POLQ: variants seen among roughly 807,000 people sequenced by gnomAD.
The protein encoded by POLQ is epididymis secretory sperm binding protein.
A neutral mutation model predicts 259.2 loss-of-function variants in POLQ; 233 were observed. The observed-to-expected ratio is 0.90, with a 90% CI of 0.81 to 1.00. The LOEUF (loss-of-function observed/expected upper bound fraction) is 1.00, where lower values mean the gene tolerates loss of function less well. POLQ is among the 50% of genes least tolerant of loss of function. POLQ has a pLI of 0.00. For synonymous variants in POLQ, 1,025 were observed against 1,048.8 expected, an observed-to-expected ratio of 0.98 and a Z score of 0.44; for missense variants, 2,871 against 3,051.6, an observed-to-expected ratio of 0.94 and a Z score of 1.39.
intron 7 of POLQ, 24 bp from the exon 8 acceptor site, chr3:121,522,173 C>G: frequency 6.3e-7 from 1 of 1,578,306 alleles, no homozygotes; most frequent in Non-Finnish European, 8.6e-7. Flanking sequence ...ATTATCAACA[C>G]CATTTGCTTC....
intron 1 of POLQ, 52 bp from the exon 2 acceptor site, chr3:121,544,958 T>C: frequency 8.6e-7 from 1 of 1,161,074 alleles, no homozygotes; most frequent in Non-Finnish European, 1.2e-6. Context: ...ATATATGAGT[T>C]TTACAGTTAG....
chr3:121,481,344 G>A (rs985171072), intron 19 of POLQ, among the ~76,000 whole-genome samples: 1 of 152,184 alleles, frequency 6.6e-6, no homozygotes, highest in Admixed American at 6.5e-5. Flanking sequence ...TTTTGGTCTT[G>A]TCTACAGCTG....
At chr3:121,491,095 GTAATC>G (rs957599524) in intron 15 of POLQ, among the ~76,000 whole-genome samples, 15 of 152,160 alleles carry the variant, frequency 9.9e-5, no homozygotes, top group Admixed American at 2.0e-4. Context: ...GCTCATGCCT[GTAATC>G]CCAGCACTTT....
intron 16 of POLQ, among the ~76,000 whole-genome samples, chr3:121,486,247 T>C (rs1350017269): frequency 1.3e-5 from 2 of 152,174 alleles, no homozygotes; most frequent in African/African-American, 4.8e-5. Context: ...GATATTACAA[T>C]TTAATAGAAA....
intron 7 of POLQ, among the ~76,000 whole-genome samples, chr3:121,523,237 T>A (rs531471255): frequency 3.3e-5 from 5 of 152,084 alleles, no homozygotes; most frequent in African/African-American, 1.2e-4. Context: ...CCAGGCTGGT[T>A]TCAAATTCCT....
At chr3:121,482,690 A>G (rs1163846167) in intron 18 of POLQ, among the ~76,000 whole-genome samples, 1 of 152,078 alleles carries the variant, frequency 6.6e-6, no homozygotes, top group Non-Finnish European at 1.5e-5. Flanking sequence ...GGAGTCCTGT[A>G]GTTTCTAATA....
chr3:121,458,107 T>G (rs974892230), intron 25 of POLQ, among the ~76,000 whole-genome samples: 2 of 151,958 alleles, frequency 1.3e-5, no homozygotes, highest in Non-Finnish European at 2.9e-5. Context: ...AAATTGGAAA[T>G]CATCATTCTC....
At chr3:121,477,389 A>T (rs1209647017) in intron 19 of POLQ, among the ~76,000 whole-genome samples, 1 of 152,214 alleles carries the variant, frequency 6.6e-6, no homozygotes, top group East Asian at 1.9e-4. Context: ...CTATGTCTAT[A>T]GGTATATATG....
At chr3:121,447,336 A>C (rs1468315155) in intron 26 of POLQ, among the ~76,000 whole-genome samples, 1 of 151,738 alleles carries the variant, frequency 6.6e-6, no homozygotes, top group African/African-American at 2.4e-5. Flanking sequence ...ATGCCCGGCT[A>C]ATTTTTGTAT....
chr3:121,522,201 G>A, intron 7 of POLQ, 52 bp from the exon 8 acceptor site: 1 of 1,297,916 alleles, frequency 7.7e-7, no homozygotes, highest in Non-Finnish European at 1.0e-6. Flanking sequence ...GCTTCTTTAA[G>A]TGTATCTGTC....
At chr3:121,545,431 C>A (rs565092919) in intron 1 of POLQ, among the ~76,000 whole-genome samples, 1 of 152,236 alleles carries the variant, frequency 6.6e-6, no homozygotes, top group Non-Finnish European at 1.5e-5. Context: ...CTACCAGGAA[C>A]GAGCCGCCCA....
chr3:121,545,134 G>C (rs1479800893), intron 1 of POLQ, among the ~76,000 whole-genome samples: 1 of 152,126 alleles, frequency 6.6e-6, no homozygotes, highest in Admixed American at 6.6e-5. Context: ...ACAAAAAAGC[G>C]TGCAATACAC....
chr3:121,489,761 AG>A lies in POLQ; in HGVS notation c.3169del (p.Leu1057Ter), dbSNP rs1435613311. 6.2e-7 allele frequency: 1 copy of A among 1,612,104 alleles called. No individual in the cohort carries two copies. The highest frequency in any genetic ancestry group is 8.5e-7 in the Non-Finnish European group (1 of 1,179,700). ...HLKRSRDSSP[L>X]KDSGACRIHL... ...GATTCTACACGCTCCAGAGTCTTTC[AG>A]GGGGCTGCTGTCCCTAGATCGCTTT... On this transcript the variant is annotated frameshift_variant, in exon 16 of 30. Coordinates refer to ENST00000264233, the MANE Select transcript of POLQ (RefSeq NM_199420.4). LOFTEE classifies it high-confidence loss of function.
At chr3:121,440,207 C>A in intron 26 of POLQ, 91 bp from the exon 27 acceptor site, 2 of 900,056 alleles carry the variant, frequency 2.2e-6, no homozygotes, top group South Asian at 1.6e-5. Context: ...ACACCAAAAC[C>A]CCACGATGAT....
Position 121,468,407 on chromosome 3 carries a change from T to C in POLQ, c.6743A>G (p.Asn2248Ser), listed in dbSNP as rs376729696. ...ATGRITFTEPNIQNVPRDFEI... is the reference protein window; with the variant it reads ...ATGRITFTEPSIQNVPRDFEI... ...AAAATCTCTTGGCACATTCTGAATA[T>C]TTGGTTCTGTAAAGGTTATTCGTCC... The change falls in exon 23 of 30, where the codon AAT (asparagine) becomes AGT (serine). Residue 2248 changes from asparagine to serine, a missense_variant. Around this residue, in one of 3 missense-constraint regions of POLQ, gnomAD observed 2,080 missense variants for 2,126.0 expected, o/e 0.98. Coordinates refer to ENST00000264233, the MANE Select transcript of POLQ (RefSeq NM_199420.4). 8.1e-5 allele frequency: 130 copies of C among 1,611,142 alleles called. No individual in the cohort carries two copies. The Middle Eastern group carries it at 1.5e-3, about 18-fold the overall frequency.
At chr3:121,487,164 C>T in intron 16 of POLQ, 138 bp downstream of exon 16, 1 of 546,890 alleles carries the variant, frequency 1.8e-6, no homozygotes, top group Non-Finnish European at 3.1e-6. Context: ...GGCTGTTCTA[C>T]ACATAAATCC....
chr3:121,526,077 T>C (rs987168398), intron 7 of POLQ, among the ~76,000 whole-genome samples: 7 of 152,180 alleles, frequency 4.6e-5, no homozygotes, highest in Admixed American at 1.3e-4. Context: ...TTAAACATCC[T>C]CATGACCCCT....
intron 12 of POLQ, among the ~76,000 whole-genome samples, chr3:121,501,562 G>C (rs1359044882): frequency 6.8e-6 from 1 of 148,002 alleles, no homozygotes; most frequent in African/African-American, 2.5e-5. Flanking sequence ...GGGAGGCTGA[G>C]GCAGGAGGAG....
chr3:121,497,282 A>G (rs949228379), intron 13 of POLQ, among the ~76,000 whole-genome samples: 2 of 152,248 alleles, frequency 1.3e-5, no homozygotes, highest in African/African-American at 4.8e-5. Flanking sequence ...CATTACTCCA[A>G]TAAAATGACA....
Sources: allele counts gnomAD v4.1 joint callset (sites outside exome capture counted in the v4.1 genomes callset), GRCh38; gene constraint gnomAD v4.1.1; regional missense constraint gnomAD v4.1.1; transcripts MANE v1.5; gene names NCBI Gene and HGNC (gene_info 2026-07-23, HGNC 2026-07-21).